Variants in SH3RF3 observed in about 807,000 individuals in gnomAD.
SH3RF3 encodes E3 ubiquitin-protein ligase SH3RF3.
Under a neutral mutation model 66.3 loss-of-function variants are expected in SH3RF3, and 29 were observed. That is an observed-to-expected ratio of 0.44 (90% CI 0.33 to 0.60). SH3RF3 has a LOEUF of 0.60. Among genes scored for constraint, SH3RF3 ranks in the 20% least tolerant of loss-of-function variants. SH3RF3 has a pLI of 0.04. For synonymous variants in SH3RF3, 583 were observed against 532.0 expected (o/e 1.10, Z -1.32); for missense variants, 1,194 against 1,190.9 (o/e 1.00, Z -0.04).
intron 4 of SH3RF3, among the ~76,000 whole-genome samples, chr2:109,416,206 C>T (rs374656662): frequency 1.2e-3 from 189 of 152,274 alleles, no homozygotes; most frequent in Non-Finnish European, 2.3e-3. Context: ...TGCCTCATGC[C>T]TTTCGAAGCC....
intron 4 of SH3RF3, among the ~76,000 whole-genome samples, chr2:109,408,899 C>T (rs960857543): frequency 2.0e-5 from 3 of 152,136 alleles, no homozygotes; most frequent in Middle Eastern, 3.2e-3. Flanking sequence ...AGGCAACAGG[C>T]GAGTGAGAGC....
intron 1 of SH3RF3, among the ~76,000 whole-genome samples, chr2:109,134,054 T>A (rs1171256979): frequency 6.6e-6 from 1 of 152,226 alleles, no homozygotes; most frequent in Non-Finnish European, 1.5e-5. Context: ...ACAGTTGAAC[T>A]GCTTATATAC....
chr2:109,216,819 T>C (rs1291820497), intron 1 of SH3RF3, among the ~76,000 whole-genome samples: 1 of 152,228 alleles, frequency 6.6e-6, no homozygotes, highest in African/African-American at 2.4e-5. Context: ...TTTTAGCCAT[T>C]TGTAAGCAAA....
chr2:109,421,637 ACCT>A (rs1676881275), intron 5 of SH3RF3, among the ~76,000 whole-genome samples: 1 of 152,052 alleles, frequency 6.6e-6, no homozygotes, highest in South Asian at 2.1e-4. Flanking sequence ...CTAGCTCTCC[ACCT>A]TCTCCCTCTG....
At chr2:109,171,320 A>G (rs1053800036) in intron 1 of SH3RF3, among the ~76,000 whole-genome samples, 2 of 152,172 alleles carry the variant, frequency 1.3e-5, no homozygotes, top group African/African-American at 2.4e-5. Flanking sequence ...TTTCTTATCT[A>G]TAGCCTGTTA....
intron 1 of SH3RF3, among the ~76,000 whole-genome samples, chr2:109,247,453 T>C (rs1339073618): frequency 2.0e-5 from 3 of 152,244 alleles, no homozygotes; most frequent in Non-Finnish European, 4.4e-5. Flanking sequence ...TGACCGTTCC[T>C]CTGAGGACAC....
chr2:109,230,414 T>TAA lies in SH3RF3; in HGVS notation c.573+100308_573+100309dup, dbSNP rs200756506. 2.7e-3 allele frequency among the ~76,000 whole-genome samples: 414 copies of TAA among 151,524 alleles called. 4 individuals are homozygous for TAA. The highest frequency in any genetic ancestry group is 9.4e-3 in the African/African-American group (389 of 41,294). ...CAACATGGTGAAACCCCATCTTTACTAAAAAAAATGGAAAAATTAGCTGGG... is the reference window on the plus strand; with the variant it reads ...CAACATGGTGAAACCCCATCTTTACTAAAAAAAAAATGGAAAAATTAGCTGGG... On this transcript the variant is annotated intron_variant, in intron 1 of 9. Transcript: ENST00000309415.
At position 109,492,911 on chromosome 2, in the gene SH3RF3, C is replaced by T. The variant is rs927551124; in HGVS notation, c.2480+1975C>T. Among the ~76,000 whole-genome samples, 60 of 152,200 alleles carry T rather than the reference C, an allele frequency of 3.9e-4. 1 individual carries two copies. The highest frequency in any genetic ancestry group is 2.0e-3 in the Admixed American group (30 of 15,292). ...AGCACTGCCATGCCAGTCCCAGCCC[C>T]TACAGCCACACCCACAGGGAGAAGT... On this transcript the variant is annotated intron_variant, in intron 9 of 9. Transcript: ENST00000309415.
At chr2:109,315,422 G>C (rs1681853635) in intron 1 of SH3RF3, among the ~76,000 whole-genome samples, 1 of 152,238 alleles carries the variant, frequency 6.6e-6, no homozygotes, top group South Asian at 2.1e-4. Context: ...ATCTCTGTAG[G>C]ATAGTTGCAG....
intron 1 of SH3RF3, among the ~76,000 whole-genome samples, chr2:109,336,801 A>C (rs1319242879): frequency 6.6e-6 from 1 of 152,198 alleles, no homozygotes; most frequent in African/African-American, 2.4e-5. Context: ...GATTTATATA[A>C]ATCAACATGG....
At chr2:109,500,728 C>T (rs1471986485) in intron 9 of SH3RF3, among the ~76,000 whole-genome samples, 1 of 152,176 alleles carries the variant, frequency 6.6e-6, no homozygotes, top group Non-Finnish European at 1.5e-5. Context: ...GCCAGCGGAT[C>T]ACTTGCACTC....
rs139087423 is a variant in SH3RF3, at chr2:109,146,215, A to G, written c.573+16102A>G. On this transcript the variant is annotated intron_variant, in intron 1 of 9. Coordinates refer to ENST00000309415, the MANE Select transcript of SH3RF3 (RefSeq NM_001099289.3). ...AATGGCCATTATTATTGGAGCTAACACTTGTTGGTCACTTAGTTCTGGCTG... is the reference window on the plus strand; with the variant it reads ...AATGGCCATTATTATTGGAGCTAACGCTTGTTGGTCACTTAGTTCTGGCTG... Among the ~76,000 whole-genome samples, 1,188 of 152,272 alleles carry G rather than the reference A, an allele frequency of 7.8e-3. 13 individuals are homozygous for G. Among genetic ancestry groups the G allele is most frequent in the East Asian group, 0.034 (175 of 5,180 alleles).
chr2:109,432,306 C>G (rs756086840), intron 5 of SH3RF3, among the ~76,000 whole-genome samples, 195 bp from the exon 6 acceptor site: 20 of 152,160 alleles, frequency 1.3e-4, no homozygotes, highest in Non-Finnish European at 2.4e-4. Flanking sequence ...CGAAGGCTCC[C>G]TGCCTCGTGG....
At chr2:109,358,685 C>G (rs1441713299) in intron 2 of SH3RF3, among the ~76,000 whole-genome samples, 1 of 152,184 alleles carries the variant, frequency 6.6e-6, no homozygotes, top group Non-Finnish European at 1.5e-5. Flanking sequence ...GCATAATAAT[C>G]CTTTATCATA....
chr2:109,481,512 T>C (rs1678833192), intron 8 of SH3RF3, among the ~76,000 whole-genome samples: 2 of 152,150 alleles, frequency 1.3e-5, no homozygotes, highest in Non-Finnish European at 2.9e-5. Context: ...GGCCTGTTAT[T>C]GCTCGGGAAG....
At chr2:109,366,999 G>C (rs1209871129) in intron 2 of SH3RF3, among the ~76,000 whole-genome samples, 1 of 152,160 alleles carries the variant, frequency 6.6e-6, no homozygotes, top group Non-Finnish European at 1.5e-5. Flanking sequence ...TCTCGCCCAG[G>C]CTGGAGTGGA....
intron 1 of SH3RF3, among the ~76,000 whole-genome samples, chr2:109,320,060 A>C (rs1681984690): frequency 1.3e-5 from 2 of 152,124 alleles, no homozygotes; most frequent in Non-Finnish European, 1.5e-5. Flanking sequence ...TACTTCCTCG[A>C]AGCTGGGGGT....
intron 9 of SH3RF3, among the ~76,000 whole-genome samples, chr2:109,492,146 C>G (rs1679145608): frequency 6.6e-6 from 1 of 152,162 alleles, no homozygotes; most frequent in Non-Finnish European, 1.5e-5. Flanking sequence ...GGCCGGTGTC[C>G]CAGTAAACCC....
chr2:109,151,673 G>T (rs1677228821), intron 1 of SH3RF3, among the ~76,000 whole-genome samples: 1 of 152,204 alleles, frequency 6.6e-6, no homozygotes, highest in Non-Finnish European at 1.5e-5. Context: ...ACACTTCCCG[G>T]TTTCCAGGGC....
Sources: allele counts gnomAD v4.1 joint callset (sites outside exome capture counted in the v4.1 genomes callset), GRCh38; gene constraint gnomAD v4.1.1; transcripts MANE v1.5; gene names NCBI Gene and HGNC (gene_info 2026-07-23, HGNC 2026-07-21).